WSB2: variants seen among roughly 807,000 people sequenced by gnomAD.
WSB2 encodes WD repeat and SOCS box containing 2.
A neutral mutation model predicts 48.8 loss-of-function variants in WSB2; 12 were observed. The observed-to-expected ratio is 0.25, with a 90% CI of 0.16 to 0.40. WSB2 has a LOEUF of 0.40. WSB2 is among the 10% of genes least tolerant of loss of function. WSB2 has a pLI of 1.00. For missense variants in WSB2, 317 were observed against 506.2 expected, an observed-to-expected ratio of 0.63 and a Z score of 3.59; for synonymous variants, 191 against 203.1, an observed-to-expected ratio of 0.94 and a Z score of 0.51.
rs1291825274 is a variant in WSB2 at position 118,033,576 on chromosome 12, T to C, written c.*620A>G. 5 of 147,524 alleles carry C rather than the reference T, an allele frequency of 3.4e-5. No individual in the cohort carries two copies. The highest frequency in any genetic ancestry group is 7.4e-5 in the Non-Finnish European group (5 of 67,374). The allele number at this position is 147,524 out of a possible 1,614,324, so 9.1% of individuals were successfully genotyped here. ...AAAAAAAAAAAAAAGCCAGTAATAG[T>C]GTCTGGATCGGTCAGGAGCACGGCC... is the stretch of plus-strand genomic sequence containing the variant. On this transcript the variant is annotated 3_prime_UTR_variant, in exon 9 of 9. Transcript: ENST00000315436.
intron 1 of WSB2, among the ~76,000 whole-genome samples, chr12:118,059,034 T>C (rs1262069301): frequency 6.6e-6 from 1 of 152,128 alleles, no homozygotes; most frequent in East Asian, 1.9e-4. Flanking sequence ...TTTTTACGTA[T>C]TTATTGTCTG....
At chr12:118,059,637 A>T (rs2032025711) in intron 1 of WSB2, among the ~76,000 whole-genome samples, 1 of 152,174 alleles carries the variant, frequency 6.6e-6, no homozygotes, top group South Asian at 2.1e-4. Flanking sequence ...AGAACTGGAA[A>T]CAGATTTCTG....
intron 4 of WSB2, chr12:118,042,315 C>A (rs1179953597): frequency 5.9e-5 from 9 of 153,578 alleles, no homozygotes; most frequent in Admixed American, 2.6e-4. Context: ...GACTTTTTTG[C>A]TTGTCACAAC....
rs2032054186 is a variant in WSB2, at chr12:118,061,025, G to A, written c.13+11C>T. 4.1e-6 allele frequency: 4 copies of A among 984,030 alleles called. No homozygotes were observed. The highest frequency in any genetic ancestry group is 4.5e-5 in the South Asian group (1 of 22,052). 61.0% of individuals were successfully genotyped at this position (984,030 alleles called of 1,614,324 possible). ...CGCCGGGCGGGAACGGGCGCGCCCGGCCCCACTCACCTCCGGCCTCCATGG... is the reference window on the plus strand; with the variant it reads ...CGCCGGGCGGGAACGGGCGCGCCCGACCCCACTCACCTCCGGCCTCCATGG... On this transcript the variant is annotated intron_variant, in intron 1 of 8. Transcript: ENST00000315436.
intron 4 of WSB2, 126 bp downstream of exon 4, chr12:118,042,715 C>T (rs553265226): frequency 2.0e-6 from 3 of 1,478,914 alleles, no homozygotes; most frequent in African/African-American, 1.4e-5. Context: ...CTAAAAGGCT[C>T]CTTAAGGGGC....
chr12:118,059,777 C>A (rs1489164079), intron 1 of WSB2, among the ~76,000 whole-genome samples: 1 of 152,176 alleles, frequency 6.6e-6, no homozygotes, highest in African/African-American at 2.4e-5. Flanking sequence ...AAAAAGAATT[C>A]TACGGGTAAC....
In WSB2 at chr12:118,037,062, A is replaced by G. The variant is rs149322428; in HGVS notation, c.661-552T>C. Among the ~76,000 whole-genome samples the G allele has an allele frequency of 1.8e-3, 280 of 152,294 alleles. 2 individuals are homozygous for G. Among genetic ancestry groups the G allele is most frequent in the African/African-American group, 6.5e-3 (270 of 41,568 alleles). Reference sequence around the variant, plus strand: ...CCAGGCATGGTGGTGCACGCCTGTAAGCCCAGCTATTTGGGAGGTTGAGGC... The same window carrying G: ...CCAGGCATGGTGGTGCACGCCTGTAGGCCCAGCTATTTGGGAGGTTGAGGC... On this transcript the variant is annotated intron_variant, in intron 5 of 8. Transcript: ENST00000315436.
At chr12:118,036,617 G>T in intron 5 of WSB2, 107 bp from the exon 6 acceptor site, 1 of 1,209,670 alleles carries the variant, frequency 8.3e-7, no homozygotes, top group Non-Finnish European at 1.2e-6. Flanking sequence ...TGCAGCCAGG[G>T]CTGATTCTCT....
Position 118,058,629 on chromosome 12 carries a change from C to T in WSB2, c.13+2407G>A, listed in dbSNP as rs899008155. The stretch of plus-strand genomic sequence containing the variant: ...GGCCTCCCAAACTGCTGGGCCACTG[C>T]GCCTGGCACCATTCACTTTCCTTTA... On this transcript the variant is annotated intron_variant, in intron 1 of 8. Coordinates refer to ENST00000315436, the MANE Select transcript of WSB2 (RefSeq NM_018639.5). 1.6e-4 allele frequency among the ~76,000 whole-genome samples: 25 copies of T among 152,158 alleles called. 1 individual carries two copies. Among genetic ancestry groups the T allele is most frequent in the Admixed American group, 1.2e-3 (19 of 15,264 alleles).
chr12:118,039,871 G>A (rs1321810742), intron 4 of WSB2, among the ~76,000 whole-genome samples: 1 of 151,704 alleles, frequency 6.6e-6, no homozygotes, highest in Non-Finnish European at 1.5e-5. Flanking sequence ...AGCCTCCCGA[G>A]TAGCTGGGAT....
chr12:118,062,011 G>A, upstream of WSB2: 1 of 1,291,118 alleles, frequency 7.7e-7, no homozygotes, highest in Non-Finnish European at 1.1e-6. Flanking sequence ...GTGGGGAGAG[G>A]AGGGCAGGGT....
At chr12:118,048,834 T>C (rs1426334699) in intron 2 of WSB2, among the ~76,000 whole-genome samples, 3 of 152,182 alleles carry the variant, frequency 2.0e-5, no homozygotes, top group African/African-American at 7.2e-5. Context: ...AAAATTGTTA[T>C]TGTTTTCATT....
rs1267742592 is a variant in WSB2, at chr12:118,033,872, T to A, written c.*324A>T. ...GGCTCTGGAGGCCTACTTAGTTGCA[T>A]AATCAAAACAACATCAGTAACTGCA... On this transcript the variant is annotated 3_prime_UTR_variant, in exon 9 of 9. Transcript: ENST00000315436. The A allele has an allele frequency of 3.2e-6, 1 of 310,932 alleles. No homozygotes were observed. Among genetic ancestry groups the A allele is most frequent in the East Asian group, 7.6e-5 (1 of 13,232 alleles). The allele number at this position is 310,932 out of a possible 1,614,324, so 19.3% of individuals were successfully genotyped here. A position where few individuals can be genotyped will look rare whatever the true frequency, so the allele number is the denominator to read the frequency against.
At chr12:118,055,195 G>A (rs2031933258) in intron 1 of WSB2, among the ~76,000 whole-genome samples, 1 of 152,010 alleles carries the variant, frequency 6.6e-6, no homozygotes, top group East Asian at 1.9e-4. Context: ...TTCTCAACTG[G>A]GGGCTAGTTT....
At chr12:118,051,803 G>A (rs1002147488) in intron 2 of WSB2, among the ~76,000 whole-genome samples, 2 of 152,132 alleles carry the variant, frequency 1.3e-5, no homozygotes, top group African/African-American at 4.8e-5. Context: ...GCGAAACCTC[G>A]TCTCTACTAA....
At position 118,035,552 on chromosome 12, in the gene WSB2, T is replaced by C. The variant is rs545823008; in HGVS notation, c.834-228A>G. 18 of 507,440 alleles carry C rather than the reference T, an allele frequency of 3.5e-5. No individual in the cohort carries two copies. In the East Asian group the frequency reaches 5.2e-4, roughly 15 times the overall value. The allele number at this position is 507,440 out of a possible 1,614,324, so 31.4% of individuals were successfully genotyped here. A position where few individuals can be genotyped will look rare whatever the true frequency, so the allele number is the denominator to read the frequency against. On this transcript the variant is annotated intron_variant, in intron 6 of 8. Coordinates refer to ENST00000315436, the MANE Select transcript of WSB2 (RefSeq NM_018639.5). ...GGTTACTAACACTTCCTTGTGCTAATTTGCTTATGCAAAGTAGGTCAGCCC... is the reference window on the plus strand; with the variant it reads ...GGTTACTAACACTTCCTTGTGCTAACTTGCTTATGCAAAGTAGGTCAGCCC...
At chr12:118,052,678 G>T in intron 1 of WSB2, 200 bp from the exon 2 acceptor site, 1 of 731,732 alleles carries the variant, frequency 1.4e-6, no homozygotes, top group Non-Finnish European at 2.2e-6. Context: ...ACTCCTCACT[G>T]CTGGTTAACC....
At chr12:118,062,051 A>C, upstream of WSB2, 1 of 1,518,128 alleles carries the variant, frequency 6.6e-7, no homozygotes, top group South Asian at 1.2e-5. Context: ...GGAACGAGAT[A>C]AAAAACGGGG....
In WSB2 at chr12:118,060,394, A is replaced by G. The variant is rs1198912928; in HGVS notation, c.13+642T>C. Among the ~76,000 whole-genome samples, 9 of 152,092 alleles carry G rather than the reference A, an allele frequency of 5.9e-5. No homozygotes were observed. Among genetic ancestry groups the G allele is most frequent in the Non-Finnish European group, 7.4e-5 (5 of 68,008 alleles). On this transcript the variant is annotated intron_variant, in intron 1 of 8. Transcript: ENST00000315436. This position sits in a 1 kb window ranked among gnomAD's most constrained non-coding sequence, Gnocchi z 4.1. Reference sequence around the variant, plus strand: ...TGCCTGATCATACATGTCACCAGGGATCAGCGTCTCCAGTCCCGCCCCACC... The same window carrying G: ...TGCCTGATCATACATGTCACCAGGGGTCAGCGTCTCCAGTCCCGCCCCACC...
Sources: gnomAD v4.1 joint callset for allele counts (sites outside exome capture counted in the v4.1 genomes callset) on GRCh38, gnomAD v4.1.1 for gene constraint, Gnocchi (gnomAD v3.1) non-coding constraint, MANE v1.5 for transcripts, NCBI Gene and HGNC (gene_info 2026-07-23, HGNC 2026-07-21) for gene names.